DOCK1: variants seen among roughly 807,000 people sequenced by gnomAD.
DOCK1 encodes the protein dedicator of cytokinesis protein 1.
Under a neutral mutation model 262.7 loss-of-function variants are expected in DOCK1, and 138 were observed. The ratio of observed to expected loss-of-function variants is 0.53; its 90% CI spans 0.46 to 0.61. The LOEUF is 0.61. Ranked by LOEUF, DOCK1 falls within the 20% of genes least tolerant of loss-of-function variation. DOCK1 has a pLI of 0.00. For synonymous variants in DOCK1, 866 were observed against 867.4 expected (o/e 1.00, Z 0.03); for missense variants, 1,908 against 2,370.7 (o/e 0.80, Z 4.05).
chr10:127,106,187 C>T (rs1448272216), intron 23 of DOCK1, 44 bp from the exon 24 acceptor site: 2 of 1,551,942 alleles, frequency 1.3e-6, no homozygotes, highest in African/African-American at 2.7e-5. Context: ...ATGAACACTC[C>T]CTAACCTGCA....
intron 27 of DOCK1, among the ~76,000 whole-genome samples, chr10:127,241,049 C>T (rs557892717): frequency 3.3e-5 from 5 of 152,272 alleles, no homozygotes; most frequent in African/African-American, 9.6e-5. Context: ...TTTGGCTGGG[C>T]GCGGTGGCTC....
chr10:127,106,214 T>C lies in DOCK1; in HGVS notation c.2446-17T>C. The C allele has an allele frequency of 6.4e-7, 1 of 1,574,580 alleles. No homozygotes were observed. Among genetic ancestry groups the C allele is most frequent in the Non-Finnish European group, 8.6e-7 (1 of 1,157,916 alleles). ...TAACCTGCATGCTGCTCAGCCTTCT[T>C]GTTTCTTGATTTGCAGGGGGCAGCA... On this transcript the variant is annotated splice_polypyrimidine_tract_variant and intron_variant, in intron 23 of 51. Coordinates refer to ENST00000623213, the MANE Select transcript of DOCK1 (RefSeq NM_001290223.2).
At chr10:126,962,662 C>G (rs1189096284) in intron 1 of DOCK1, among the ~76,000 whole-genome samples, 1 of 152,180 alleles carries the variant, frequency 6.6e-6, no homozygotes, top group Non-Finnish European at 1.5e-5. Context: ...TAAATACTTT[C>G]TCCCCTTCTG....
chr10:127,442,026 C>G (rs870417), intron 49 of DOCK1, among the ~76,000 whole-genome samples: 116 of 152,224 alleles, frequency 7.6e-4, no homozygotes, highest in African/African-American at 2.6e-3. Flanking sequence ...GCGCTTCACC[C>G]GGCCTTTCCT....
chr10:127,321,359 T>C (rs1394485387), intron 29 of DOCK1, among the ~76,000 whole-genome samples: 4 of 90,306 alleles, frequency 4.4e-5, no homozygotes, highest in African/African-American at 6.9e-5. Context: ...GCTCTCTCTC[T>C]AGCTCATTTT....
chr10:127,272,608 G>A (rs2060609360), intron 29 of DOCK1, among the ~76,000 whole-genome samples: 1 of 152,172 alleles, frequency 6.6e-6, no homozygotes, highest in South Asian at 2.1e-4. Context: ...CTGGTTTGCT[G>A]CTGTTGCCTC....
intron 29 of DOCK1, among the ~76,000 whole-genome samples, chr10:127,278,668 C>T (rs577037189): frequency 1.5e-4 from 23 of 152,296 alleles, no homozygotes; most frequent in Admixed American, 7.8e-4. Context: ...AGGCTGGCCA[C>T]GCACAGGGAG....
At chr10:127,018,396 T>G (rs2042171071) in intron 12 of DOCK1, among the ~76,000 whole-genome samples, 1 of 152,194 alleles carries the variant, frequency 6.6e-6, no homozygotes. Flanking sequence ...TTATCTTAAA[T>G]GTCTACCCAC....
In DOCK1 at chr10:127,034,065, C is replaced by T. The variant is rs141056136; in HGVS notation, c.1912+1745C>T. Among the ~76,000 whole-genome samples, 413 of 152,254 alleles carry T rather than the reference C, an allele frequency of 2.7e-3. 1 individual carries two copies. Among genetic ancestry groups the T allele is most frequent in the African/African-American group, 8.7e-3 (362 of 41,540 alleles). On this transcript the variant is annotated intron_variant, in intron 18 of 51. Transcript: ENST00000623213. ...TTACCTGGGTGTGGGATCTATGCAG[C>T]CGTGCAGTGGGGAAGGGAGAGAATG...
chr10:127,263,059 G>A (rs1305958842), intron 29 of DOCK1, among the ~76,000 whole-genome samples: 2 of 152,174 alleles, frequency 1.3e-5, no homozygotes, highest in South Asian at 2.1e-4. Flanking sequence ...GAGAGTGTTA[G>A]GAGTTTTTGT....
At position 127,435,376 on chromosome 10, in the gene DOCK1, C is replaced by T. The variant is rs149913213; in HGVS notation, c.5060+1948C>T. On this transcript the variant is annotated intron_variant, in intron 48 of 51. Transcript: ENST00000623213. ...GAGAGCCCCAAGGGACGGCTCAACT[C>T]GGATTGCCCTTTGTTGCCAACGACT... Among the ~76,000 whole-genome samples the T allele has an allele frequency of 5.3e-3, 801 of 152,226 alleles. 5 individuals are homozygous for T. The highest frequency in any genetic ancestry group is 0.018 in the African/African-American group (766 of 41,546).
At chr10:126,992,572 T>C (rs1247806819) in intron 6 of DOCK1, among the ~76,000 whole-genome samples, 1 of 152,204 alleles carries the variant, frequency 6.6e-6, no homozygotes, top group Non-Finnish European at 1.5e-5. Flanking sequence ...GTTTTGCGTC[T>C]TTTTCATTGA....
chr10:127,015,347 C>T (rs891378212), intron 12 of DOCK1, among the ~76,000 whole-genome samples: 1 of 152,060 alleles, frequency 6.6e-6, no homozygotes, highest in African/African-American at 2.4e-5. Context: ...CCCTGAGCGC[C>T]CCCGCCCCCT....
At chr10:127,333,488 G>A (rs767518892) in intron 29 of DOCK1, among the ~76,000 whole-genome samples, 3 of 152,186 alleles carry the variant, frequency 2.0e-5, no homozygotes, top group East Asian at 1.9e-4. Context: ...CTTTTCACTC[G>A]CTAAGTTCCC....
chr10:127,000,058 ATGATAAAAACTGGTC>A, intron 9 of DOCK1, 99 bp from the exon 10 acceptor site: 1 of 1,196,480 alleles, frequency 8.4e-7, no homozygotes, highest in East Asian at 2.4e-5. Flanking sequence ...ACTGATTAAA[ATGATAAAAACTGGTC>A]TGAGAAGAGT....
intron 27 of DOCK1, among the ~76,000 whole-genome samples, chr10:127,147,760 C>T (rs527239477): frequency 2.0e-5 from 3 of 151,338 alleles, no homozygotes; most frequent in Non-Finnish European, 2.9e-5. Context: ...TGTCTGGGCA[C>T]GGTGGCTCAT....
chr10:127,246,893 G>A (rs1564931735), intron 27 of DOCK1, among the ~76,000 whole-genome samples: 1 of 152,196 alleles, frequency 6.6e-6, no homozygotes, highest in Non-Finnish European at 1.5e-5. Flanking sequence ...ATAGGGACAT[G>A]TCTCAAAGTG....
chr10:126,998,059 T>C (rs754629798), intron 7 of DOCK1, 33 bp from the exon 8 acceptor site: 2 of 1,612,342 alleles, frequency 1.2e-6, no homozygotes, highest in Non-Finnish European at 1.7e-6. Flanking sequence ...TGAGTGTTGC[T>C]GGGGTTGACT....
chr10:126,984,252 G>A (rs1477690580), intron 4 of DOCK1, among the ~76,000 whole-genome samples: 1 of 152,172 alleles, frequency 6.6e-6, no homozygotes, highest in African/African-American at 2.4e-5. Flanking sequence ...AGGCAGCCAA[G>A]TAACTAATGA....
Sources: allele counts gnomAD v4.1 joint callset (sites outside exome capture counted in the v4.1 genomes callset), GRCh38; gene constraint gnomAD v4.1.1; transcripts MANE v1.5; gene names NCBI Gene and HGNC (gene_info 2026-07-23, HGNC 2026-07-21).